GMDS: variants seen among roughly 807,000 people sequenced by gnomAD.
GMDS encodes GDP-mannose 4,6-dehydratase.
In GMDS, 20 loss-of-function variants were observed where a neutral mutation model predicts 49.9. That is an observed-to-expected ratio of 0.40 (90% CI 0.28 to 0.58). GMDS has a LOEUF of 0.58. GMDS is among the 20% of genes least tolerant of loss of function. The pLI is 0.42. For synonymous variants in GMDS, 177 were observed against 178.6 expected (o/e 0.99, Z 0.07); for missense variants, 362 against 481.4 (o/e 0.75, Z 2.32).
At position 1,984,830 on chromosome 6, in the gene GMDS, G is replaced by C. The variant is rs6941001; in HGVS notation, c.346-23864C>G. Reference sequence around the variant, plus strand: ...CTGCTGCCACTCTCTGTACAGCAATGATGAAATTTTAAATTAGAAAATTAA... The same window carrying C: ...CTGCTGCCACTCTCTGTACAGCAATCATGAAATTTTAAATTAGAAAATTAA... On this transcript the variant is annotated intron_variant, in intron 4 of 10. Coordinates refer to ENST00000380815, the MANE Select transcript of GMDS (RefSeq NM_001500.4). Among the ~76,000 whole-genome samples the C allele has an allele frequency of 3.2e-3, 492 of 152,290 alleles. 1 individual carries two copies. The highest frequency in any genetic ancestry group is 0.011 in the African/African-American group (476 of 41,558).
intron 1 of GMDS, among the ~76,000 whole-genome samples, chr6:2,201,543 C>G (rs1234941527): frequency 9.5e-6 from 1 of 105,662 alleles, no homozygotes; most frequent in Non-Finnish European, 2.0e-5. Flanking sequence ...CATGGGCATC[C>G]GAGATGAAAC....
rs975451148 is a variant in GMDS, at chr6:1,635,760, C to T, written c.988-11220G>A. 1.3e-5 allele frequency among the ~76,000 whole-genome samples: 2 copies of T among 152,162 alleles called. No individual in the cohort carries two copies. Among genetic ancestry groups the T allele is most frequent in the African/African-American group, 4.8e-5 (2 of 41,444 alleles). ...AATGATACTGCGGTGGATGTGAAGG[C>T]GCTTTGGAAAAGACAGCTCTATCCA... On this transcript the variant is annotated intron_variant, in intron 9 of 10. Coordinates refer to ENST00000380815, the MANE Select transcript of GMDS (RefSeq NM_001500.4). This position sits in a 1 kb window ranked among gnomAD's most constrained non-coding sequence, Gnocchi z 4.7.
At chr6:1,743,971 T>C (rs1767387926) in intron 7 of GMDS, among the ~76,000 whole-genome samples, 1 of 152,160 alleles carries the variant, frequency 6.6e-6, no homozygotes, top group Non-Finnish European at 1.5e-5. Context: ...TCCAGCAAAA[T>C]TTAAACAAAA....
At chr6:1,796,679 C>T (rs1769746360) in intron 7 of GMDS, among the ~76,000 whole-genome samples, 1 of 152,218 alleles carries the variant, frequency 6.6e-6, no homozygotes, top group Non-Finnish European at 1.5e-5. Context: ...CTGACCCTCT[C>T]GCTTCAGTTA....
At chr6:1,652,663 A>AT (rs1491484508) in intron 9 of GMDS, among the ~76,000 whole-genome samples, 81 of 4,102 alleles carry the variant, frequency 0.02, 28 homozygotes, top group African/African-American at 0.047. Context: ...ATTTATATAT[A>AT]ATATATATAA....
chr6:1,911,922 C>T (rs1473685579), intron 7 of GMDS, among the ~76,000 whole-genome samples: 3 of 152,146 alleles, frequency 2.0e-5, no homozygotes, highest in Non-Finnish European at 4.4e-5. Context: ...AAACCAAATC[C>T]TCTAGTACAG....
chr6:2,089,853 A>G (rs544678187), intron 4 of GMDS, among the ~76,000 whole-genome samples: 1 of 152,036 alleles, frequency 6.6e-6, no homozygotes, highest in East Asian at 1.9e-4. Flanking sequence ...ATCCCCCTCC[A>G]CTCCTGCTCT....
At chr6:1,770,794 G>C (rs995273688) in intron 7 of GMDS, among the ~76,000 whole-genome samples, 5 of 152,208 alleles carry the variant, frequency 3.3e-5, no homozygotes, top group Non-Finnish European at 7.3e-5. Flanking sequence ...ACTTAATCAG[G>C]AGTCTGCATA....
intron 9 of GMDS, among the ~76,000 whole-genome samples, chr6:1,718,137 ACT>A (rs1303827309): frequency 2.0e-5 from 3 of 151,412 alleles, no homozygotes; most frequent in South Asian, 2.1e-4. Flanking sequence ...CCCTGTGCAC[ACT>A]CTTTTTCCCC....
intron 4 of GMDS, among the ~76,000 whole-genome samples, chr6:2,029,992 A>C (rs1282454289): frequency 6.6e-6 from 1 of 152,104 alleles, no homozygotes; most frequent in Non-Finnish European, 1.5e-5. Flanking sequence ...GATAGCATGC[A>C]TTACATCCAA....
At chr6:1,700,214 T>C (rs939659524) in intron 9 of GMDS, among the ~76,000 whole-genome samples, 1 of 152,246 alleles carries the variant, frequency 6.6e-6, no homozygotes, top group Admixed American at 6.5e-5. Context: ...TATCTGTATA[T>C]GAGAATTTTT....
intron 7 of GMDS, among the ~76,000 whole-genome samples, chr6:1,881,386 A>G (rs1306688581): frequency 6.6e-6 from 1 of 152,234 alleles, no homozygotes; most frequent in Non-Finnish European, 1.5e-5. Flanking sequence ...CCCCCAAAAA[A>G]TCATTAAAAG....
intron 4 of GMDS, among the ~76,000 whole-genome samples, chr6:1,969,289 A>AAAG (rs56095985): frequency 0.17 from 14,451 of 83,806 alleles, 3,793 homozygotes; most frequent in Non-Finnish European, 0.23. Flanking sequence ...AAAAAAAAAA[A>AAAG]AGAGAAAGAA....
At chr6:2,017,472 C>A (rs1285033037) in intron 4 of GMDS, among the ~76,000 whole-genome samples, 1 of 152,058 alleles carries the variant, frequency 6.6e-6, no homozygotes, top group Non-Finnish European at 1.5e-5. Context: ...CTGCACCCAG[C>A]TAATTTTTGT....
intron 6 of GMDS, among the ~76,000 whole-genome samples, chr6:1,938,543 T>C (rs1010786629): frequency 1.3e-5 from 2 of 152,214 alleles, no homozygotes; most frequent in African/African-American, 4.8e-5. Flanking sequence ...CCGGTCTAAT[T>C]GTCATTCCTT....
Position 1,711,317 on chromosome 6 carries a change from T to A in GMDS, c.987+15099A>T, listed in dbSNP as rs974907501. ...TCCAGGGTCCACCGCTCAAGTGGTT[T>A]GAGGATGAATCCTGGAAGACTGTAT... is the stretch of plus-strand genomic sequence containing the variant. On this transcript the variant is annotated intron_variant, in intron 9 of 10. Transcript: ENST00000380815. Among the ~76,000 whole-genome samples, 15 of 152,232 alleles carry A rather than the reference T, an allele frequency of 9.9e-5. 1 individual carries two copies. Among genetic ancestry groups the A allele is most frequent in the Non-Finnish European group, 2.2e-4 (15 of 68,032 alleles).
chr6:2,059,130 C>T (rs1770958082), intron 4 of GMDS, among the ~76,000 whole-genome samples: 1 of 127,800 alleles, frequency 7.8e-6, no homozygotes, highest in African/African-American at 3.0e-5. Flanking sequence ...GAGCCGAGAT[C>T]ACGCCTCTGC....
intron 7 of GMDS, among the ~76,000 whole-genome samples, chr6:1,795,134 A>G (rs1277436831): frequency 6.6e-6 from 1 of 152,196 alleles, no homozygotes; most frequent in African/African-American, 2.4e-5. Context: ...CGGGAGGCAG[A>G]GGTTACAGTG....
At chr6:1,777,170 C>T (rs1043059338) in intron 7 of GMDS, among the ~76,000 whole-genome samples, 17 of 152,384 alleles carry the variant, frequency 1.1e-4, no homozygotes, top group South Asian at 2.1e-4. Flanking sequence ...ATCCTCACGC[C>T]GGCAGTGAAA....
Sources: gnomAD v4.1 joint callset for allele counts (sites outside exome capture counted in the v4.1 genomes callset) on GRCh38, gnomAD v4.1.1 for gene constraint, Gnocchi (gnomAD v3.1) non-coding constraint, MANE v1.5 for transcripts, NCBI Gene and HGNC (gene_info 2026-07-23, HGNC 2026-07-21) for gene names.